CNTNAP2: variants seen among roughly 807,000 people sequenced by gnomAD.
CNTNAP2 encodes contactin associated protein 2, also known as contactin-associated protein-like 2.
In CNTNAP2, 98 loss-of-function variants were observed where a neutral mutation model predicts 155.2. The observed-to-expected ratio is 0.63, with a 90% CI of 0.54 to 0.75. CNTNAP2 has a LOEUF of 0.75. CNTNAP2 is among the 30% of genes least tolerant of loss of function. The probability of loss-of-function intolerance (pLI) is 0.00; values close to 1 mark genes in which losing one functional copy is unlikely to be tolerated. For synonymous variants in CNTNAP2, 651 were observed against 631.2 expected (o/e 1.03, Z -0.47); for missense variants, 1,727 against 1,688.1 (o/e 1.02, Z -0.40).
chr7:147,038,102 G>A (rs1799190991), intron 3 of CNTNAP2, among the ~76,000 whole-genome samples: 1 of 152,146 alleles, frequency 6.6e-6, no homozygotes. Flanking sequence ...GTTACAGTTA[G>A]CTATGACTGT....
intron 8 of CNTNAP2, among the ~76,000 whole-genome samples, chr7:147,214,152 T>G (rs566762633): frequency 1.3e-4 from 20 of 152,268 alleles, no homozygotes; most frequent in Admixed American, 4.6e-4. Flanking sequence ...ACATATAACT[T>G]TGAACAATTT....
At chr7:146,295,292 A>T (rs990299773) in intron 1 of CNTNAP2, among the ~76,000 whole-genome samples, 1 of 152,002 alleles carries the variant, frequency 6.6e-6, no homozygotes, top group East Asian at 1.9e-4. Context: ...TGGATTTGTA[A>T]GTTAGAGGCT....
chr7:147,651,587 C>T (rs183226157), intron 13 of CNTNAP2, among the ~76,000 whole-genome samples: 1 of 152,278 alleles, frequency 6.6e-6, no homozygotes, highest in East Asian at 1.9e-4. Context: ...TGAGATCCAC[C>T]TATTACAGGT....
At chr7:146,789,161 C>G (rs138553886) in intron 2 of CNTNAP2, among the ~76,000 whole-genome samples, 194 of 152,306 alleles carry the variant, frequency 1.3e-3, no homozygotes, top group African/African-American at 4.4e-3. Flanking sequence ...TGCCTAAGGT[C>G]ACAGCTAACA....
At chr7:147,300,987 A>G (rs1374557525) in intron 9 of CNTNAP2, among the ~76,000 whole-genome samples, 2 of 152,192 alleles carry the variant, frequency 1.3e-5, no homozygotes, top group Admixed American at 6.5e-5. Context: ...TTTTTAAAAT[A>G]TAATCCAATT....
At chr7:147,133,569 G>A (rs1801419182) in intron 8 of CNTNAP2, among the ~76,000 whole-genome samples, 1 of 151,932 alleles carries the variant, frequency 6.6e-6, no homozygotes, top group South Asian at 2.1e-4. Context: ...CAGGGACCAT[G>A]CTCCTTTTTC....
chr7:146,259,229 T>C (rs1021757427), intron 1 of CNTNAP2, among the ~76,000 whole-genome samples: 1 of 152,218 alleles, frequency 6.6e-6, no homozygotes, highest in Admixed American at 6.5e-5. Context: ...TTTACCACTC[T>C]CAGGTAGTAT....
intron 8 of CNTNAP2, among the ~76,000 whole-genome samples, chr7:147,260,324 T>C (rs1341345300): frequency 6.6e-6 from 1 of 152,190 alleles, no homozygotes; most frequent in Non-Finnish European, 1.5e-5. Context: ...AATATTTTTG[T>C]TTCAGGTCTC....
chr7:147,454,604 A>G (rs1484549316), intron 10 of CNTNAP2, among the ~76,000 whole-genome samples: 1 of 152,154 alleles, frequency 6.6e-6, no homozygotes, highest in Non-Finnish European at 1.5e-5. Flanking sequence ...AGGGCTTAAA[A>G]TCTAAGCAGA....
chr7:147,931,350 G>A (rs1800501077), intron 14 of CNTNAP2, among the ~76,000 whole-genome samples: 1 of 151,810 alleles, frequency 6.6e-6, no homozygotes, highest in African/African-American at 2.4e-5. Context: ...CTTCAATGCT[G>A]AATTCCACCA....
intron 1 of CNTNAP2, among the ~76,000 whole-genome samples, chr7:146,170,941 C>T (rs1045499205): frequency 2.6e-5 from 4 of 152,172 alleles, no homozygotes; most frequent in Middle Eastern, 3.4e-3. Flanking sequence ...GGAGGAGAAT[C>T]GCATGAACCT....
At chr7:148,156,922 A>G (rs896317759) in intron 17 of CNTNAP2, among the ~76,000 whole-genome samples, 8 of 152,258 alleles carry the variant, frequency 5.3e-5, no homozygotes, top group African/African-American at 1.7e-4. Context: ...CTGTCCCTCA[A>G]ATGCAGCTGA....
chr7:146,889,045 A>T (rs73170387), intron 3 of CNTNAP2, among the ~76,000 whole-genome samples: 10 of 152,134 alleles, frequency 6.6e-5, no homozygotes, highest in Non-Finnish European at 1.0e-4. Flanking sequence ...AGTGGGAGGA[A>T]ACATTGGGAA....
intron 3 of CNTNAP2, among the ~76,000 whole-genome samples, chr7:146,915,412 A>G (rs1796373389): frequency 6.6e-6 from 1 of 152,100 alleles, no homozygotes. Context: ...CAGTATGGTC[A>G]TTTTCACAAT....
At chr7:146,196,244 C>T (rs1798773301) in intron 1 of CNTNAP2, among the ~76,000 whole-genome samples, 2 of 152,078 alleles carry the variant, frequency 1.3e-5, no homozygotes, top group South Asian at 2.1e-4. Context: ...TTAAAATGAA[C>T]AGTTAGAAAT....
chr7:146,901,870 CTTTT>C (rs71165048), intron 3 of CNTNAP2, among the ~76,000 whole-genome samples: 2 of 88,224 alleles, frequency 2.3e-5, no homozygotes, highest in East Asian at 3.1e-4. Flanking sequence ...ATATATGCTC[CTTTT>C]TTTTTTTTTT....
intron 8 of CNTNAP2, among the ~76,000 whole-genome samples, chr7:147,250,093 G>A (rs1027175743): frequency 1.1e-4 from 16 of 152,142 alleles, no homozygotes; most frequent in African/African-American, 2.4e-4. Context: ...TTCTGATTGC[G>A]TGGATCTGAA....
At chr7:146,185,055 C>T (rs1584791925) in intron 1 of CNTNAP2, among the ~76,000 whole-genome samples, 1 of 152,094 alleles carries the variant, frequency 6.6e-6, no homozygotes, top group African/African-American at 2.4e-5. Flanking sequence ...GAATTCAGAA[C>T]ACAGGTTGTC....
chr7:148,396,598 G>C (rs911541234), intron 22 of CNTNAP2, among the ~76,000 whole-genome samples: 1 of 152,164 alleles, frequency 6.6e-6, no homozygotes, highest in African/African-American at 2.4e-5. Flanking sequence ...CTCTACAGTT[G>C]CAGAAGCATT....
Sources: gnomAD v4.1 joint callset for allele counts (sites outside exome capture counted in the v4.1 genomes callset) on GRCh38, gnomAD v4.1.1 for gene constraint, MANE v1.5 for transcripts, NCBI Gene and HGNC (gene_info 2026-07-23, HGNC 2026-07-21) for gene names.